The following ATG4A variants were observed in gnomAD, a reference collection of about 807,000 sequenced individuals.
The protein encoded by ATG4A is cysteine protease ATG4A.
In ATG4A, 22 loss-of-function variants were observed where a neutral mutation model predicts 38.4. That is an observed-to-expected ratio of 0.57 (90% CI 0.41 to 0.82). ATG4A has a LOEUF of 0.82. ATG4A is among the 40% of genes least tolerant of loss of function. The pLI is 0.00. For synonymous variants in ATG4A, 86 were observed against 100.7 expected (o/e 0.85, Z 0.88); for missense variants, 220 against 290.0 (o/e 0.76, Z 1.75).
intron 1 of ATG4A, among the ~76,000 whole-genome samples, chrX:108,114,154 A>G (rs1156693412): frequency 3.6e-5 from 4 of 111,868 alleles, no homozygotes; most frequent in African/African-American, 1.3e-4. Flanking sequence ...TGAAAGCTAG[A>G]TATGTGGAAC....
rs1009455136 is a variant in ATG4A at position 108,139,725 on chromosome X, G to A, written c.814+1534G>A. 3.6e-5 allele frequency among the ~76,000 whole-genome samples: 4 copies of A among 112,313 alleles called. 1 individual carries two copies. Among genetic ancestry groups the A allele is most frequent in the Admixed American group, 1.9e-4 (2 of 10,581 alleles). On this transcript the variant is annotated intron_variant, in intron 9 of 12. Coordinates refer to ENST00000372232, the MANE Select transcript of ATG4A (RefSeq NM_052936.5). ...CATGCATGACTTAGTCTCTTCAGGC[G>A]GCTATAACAGAATAGTATAGACTAG...
chrX:108,106,465 T>C (rs1226739770), intron 1 of ATG4A, among the ~76,000 whole-genome samples: 1 of 112,272 alleles, frequency 8.9e-6, no homozygotes, highest in Non-Finnish European at 1.9e-5. Context: ...TCTGTTGTAT[T>C]TGGTACTATT....
intron 1 of ATG4A, 59 bp from the exon 2 acceptor site, chrX:108,126,018 C>A: frequency 1.3e-6 from 1 of 787,165 alleles, no homozygotes; most frequent in Non-Finnish European, 1.9e-6. Flanking sequence ...AATAATCAGT[C>A]AACCACAAAG....
intron 1 of ATG4A, among the ~76,000 whole-genome samples, chrX:108,097,845 T>G (rs1364708571): frequency 1.8e-5 from 2 of 112,468 alleles, no homozygotes; most frequent in Non-Finnish European, 3.8e-5. Flanking sequence ...CTCAAAAACC[T>G]TTTGCAATTG....
At chrX:108,153,269 A>G (rs938987304) in intron 12 of ATG4A, among the ~76,000 whole-genome samples, 182 bp downstream of exon 12, 1 of 112,526 alleles carries the variant, frequency 8.9e-6, no homozygotes, top group Non-Finnish European at 1.9e-5. Context: ...CCAATTTCAA[A>G]GAATGATAAT....
upstream of ATG4A, among the ~76,000 whole-genome samples, chrX:108,089,650 T>C (rs1019378093): frequency 9.1e-6 from 1 of 110,239 alleles, no homozygotes; most frequent in Admixed American, 9.7e-5. Context: ...CCTGGCAACA[T>C]GGTGAAACTC....
At position 108,153,811 on chromosome X, in the gene ATG4A, G is replaced by A; in HGVS notation, c.*99G>A. 1.6e-6 allele frequency: 1 copy of A among 617,338 alleles called. No individual in the cohort carries two copies. Among genetic ancestry groups the A allele is most frequent in the Admixed American group, 2.6e-5 (1 of 38,560 alleles). The allele number at this position is 617,338 out of a possible 1,213,427, so 50.9% of individuals were successfully genotyped here. ...TTTCTAGTCAGCAAGTGCCTGATAT[G>A]CCAATAGCATACAAACTCAATAGCA... On this transcript the variant is annotated 3_prime_UTR_variant, in exon 13 of 13. Coordinates refer to ENST00000372232, the MANE Select transcript of ATG4A (RefSeq NM_052936.5).
At chrX:108,091,448 T>G, upstream of ATG4A, 1 of 1,212,214 alleles carries the variant, frequency 8.2e-7, no homozygotes, top group Non-Finnish European at 1.1e-6. Context: ...GCCAGAATAC[T>G]CTCCTTCAAC....
chrX:108,090,769 C>T (rs1715581426), upstream of ATG4A, among the ~76,000 whole-genome samples: 1 of 112,496 alleles, frequency 8.9e-6, no homozygotes, highest in African/African-American at 3.2e-5. Flanking sequence ...TTCTAAACTT[C>T]TGTCTACCTC....
intron 1 of ATG4A, among the ~76,000 whole-genome samples, chrX:108,098,142 T>C (rs1320711993): frequency 1.8e-5 from 2 of 111,658 alleles, no homozygotes; most frequent in African/African-American, 6.5e-5. Flanking sequence ...CCCTGGTGTG[T>C]GCTGTGGCTC....
intron 1 of ATG4A, among the ~76,000 whole-genome samples, chrX:108,107,463 A>G (rs1295473201): frequency 8.9e-6 from 1 of 112,271 alleles, no homozygotes; most frequent in Non-Finnish European, 1.9e-5. Flanking sequence ...CATTTTTAAG[A>G]TGACTGATTT....
At chrX:108,117,237 C>T (rs1288588729) in intron 1 of ATG4A, among the ~76,000 whole-genome samples, 7 of 110,378 alleles carry the variant, frequency 6.3e-5, no homozygotes, top group African/African-American at 2.0e-4. Context: ...GGCACTATGA[C>T]CAGAGCTGTA....
At chrX:108,142,336 G>A (rs914335297) in intron 9 of ATG4A, among the ~76,000 whole-genome samples, 1 of 110,878 alleles carries the variant, frequency 9.0e-6, no homozygotes, top group Admixed American at 9.6e-5. Flanking sequence ...CAAGCAGATC[G>A]CTTGAGCCCA....
intron 2 of ATG4A, among the ~76,000 whole-genome samples, chrX:108,127,416 C>A (rs889796435): frequency 3.6e-5 from 4 of 111,840 alleles, no homozygotes; most frequent in Non-Finnish European, 7.5e-5. Context: ...AGTCACCATC[C>A]AAGCACTTTA....
intron 1 of ATG4A, among the ~76,000 whole-genome samples, chrX:108,123,743 C>A (rs939447277): frequency 8.9e-6 from 1 of 111,748 alleles, no homozygotes; most frequent in African/African-American, 3.3e-5. Context: ...TCTTTGGCTG[C>A]CATTTTGATC....
At chrX:108,140,939 T>C (rs998958569) in intron 9 of ATG4A, among the ~76,000 whole-genome samples, 4 of 40,736 alleles carry the variant, frequency 9.8e-5, no homozygotes, top group East Asian at 4.0e-4. Context: ...TATATATACA[T>C]ATATATACAC....
At chrX:108,104,866 C>T (rs1012530607) in intron 1 of ATG4A, among the ~76,000 whole-genome samples, 1 of 108,555 alleles carries the variant, frequency 9.2e-6, no homozygotes, top group East Asian at 2.8e-4. Flanking sequence ...AATAACTTGT[C>T]TCTGAGTTCA....
chrX:108,153,758 T>C lies in ATG4A; in HGVS notation c.*46T>C, dbSNP rs1470549711. The C allele has an allele frequency of 9.3e-7, 1 of 1,080,815 alleles. No homozygotes were observed. The highest frequency in any genetic ancestry group is 1.3e-6 in the Non-Finnish European group (1 of 782,063). 89.1% of individuals were successfully genotyped at this position (1,080,815 alleles called of 1,213,427 possible). Reference sequence around the variant, plus strand: ...AAGGTCTGTCTTCCATCTGGCACCATAAAAACATGAACTTATTGCATAAAA... The same window carrying C: ...AAGGTCTGTCTTCCATCTGGCACCACAAAAACATGAACTTATTGCATAAAA... On this transcript the variant is annotated 3_prime_UTR_variant, in exon 13 of 13. Coordinates refer to ENST00000372232, the MANE Select transcript of ATG4A (RefSeq NM_052936.5).
At chrX:108,095,722 T>G (rs79094701) in intron 1 of ATG4A, among the ~76,000 whole-genome samples, 1 of 105,618 alleles carries the variant, frequency 9.5e-6, no homozygotes, top group African/African-American at 3.5e-5. Flanking sequence ...TTTTTTTTTT[T>G]TTTTTGGAGA....
Sources: allele counts gnomAD v4.1 joint callset (sites outside exome capture counted in the v4.1 genomes callset), GRCh38; gene constraint gnomAD v4.1.1; transcripts MANE v1.5; gene names NCBI Gene and HGNC (gene_info 2026-07-23, HGNC 2026-07-21).